The following RUFY4 variants were observed in gnomAD, a reference collection of about 807,000 sequenced individuals.
RUFY4 encodes RUN and FYVE domain-containing protein 4.
Under a neutral mutation model 69.0 loss-of-function variants are expected in RUFY4, and 73 were observed. The ratio of observed to expected loss-of-function variants is 1.06; its 90% CI spans 0.88 to 1.29. RUFY4 has a LOEUF of 1.29. Among genes scored for constraint, RUFY4 ranks in the 50% most tolerant of loss-of-function variants. The probability of loss-of-function intolerance (pLI) is 0.00; values close to 1 mark genes in which losing one functional copy is unlikely to be tolerated. For missense variants in RUFY4, 770 were observed against 705.6 expected (o/e 1.09, Z -1.03); for synonymous variants, 287 against 271.8 (o/e 1.06, Z -0.55).
intron 2 of RUFY4, 80 bp downstream of exon 4, chr2:218,070,939 G>A: frequency 9.3e-7 from 1 of 1,072,938 alleles, no homozygotes; most frequent in Non-Finnish European, 1.3e-6. Context: ...AATCAGGGAG[G>A]AGCCACAGCC....
chr2:218,041,947 T>C (rs1688707616), intron 2 of RUFY4, among the ~76,000 whole-genome samples: 1 of 152,222 alleles, frequency 6.6e-6, no homozygotes, highest in African/African-American at 2.4e-5. Context: ...ATGTAGTCAC[T>C]GGAACAAAGA....
At chr2:218,048,915 A>G (rs1027335014) in intron 2 of RUFY4, among the ~76,000 whole-genome samples, 6 of 152,188 alleles carry the variant, frequency 3.9e-5, no homozygotes, top group African/African-American at 1.4e-4. Flanking sequence ...TCTAGTCCTC[A>G]GTTGTTAAAT....
chr2:218,073,773 A>G (rs1321259380), intron 5 of RUFY4, 43 bp from the exon 8 acceptor site: 1 of 1,610,164 alleles, frequency 6.2e-7, no homozygotes. Context: ...CAAGCCCAAC[A>G]CTGAAGAGAG....
In RUFY4 at chr2:218,076,421, C is replaced by A. The variant is rs56242889; in HGVS notation, c.1249-6C>A. Reference sequence around the variant, plus strand: ...AGCCTCCTTCTCCCCTCCTTCCACCCCACAGAGCCTCAGACTTGGGCTCCG... The same window carrying A: ...AGCCTCCTTCTCCCCTCCTTCCACCACACAGAGCCTCAGACTTGGGCTCCG... On this transcript the variant is annotated splice_polypyrimidine_tract_variant and splice_region_variant and intron_variant, in intron 7 of 10. Coordinates refer to ENST00000344321, the Ensembl canonical transcript of RUFY4. 3 of 1,549,492 alleles carry A rather than the reference C, an allele frequency of 1.9e-6. No homozygotes were observed. The highest frequency in any genetic ancestry group is 2.0e-5 in the Admixed American group (1 of 50,954).
chr2:218,065,519 G>C (rs1463793681), upstream of RUFY4: 1 of 152,404 alleles, frequency 6.6e-6, no homozygotes, highest in Non-Finnish European at 1.5e-5. Context: ...CTTTCCTGTA[G>C]AGGAGCCACT....
At position 218,088,494 on chromosome 2, in the gene RUFY4, T is replaced by C. The variant is rs543503648; in HGVS notation, c.1503-758T>C. 3.9e-4 allele frequency among the ~76,000 whole-genome samples: 57 copies of C among 147,522 alleles called. 1 individual carries two copies. The highest frequency in any genetic ancestry group is 1.3e-3 in the African/African-American group (51 of 40,250). On this transcript the variant is annotated intron_variant, in intron 9 of 10. Transcript: ENST00000344321. ...AAGAAAAGAAAAAAGAAAAAAGCAGTGAAATTAGTTTTGCAAGGGCATACA... is the reference window on the plus strand; with the variant it reads ...AAGAAAAGAAAAAAGAAAAAAGCAGCGAAATTAGTTTTGCAAGGGCATACA...
intron 8 of RUFY4, 68 bp downstream of exon 10, chr2:218,076,601 C>T: frequency 6.5e-7 from 1 of 1,533,084 alleles, no homozygotes; most frequent in East Asian, 2.5e-5. Flanking sequence ...CAATCACGGT[C>T]AAGCCAGTGA....
At chr2:218,064,994 G>A (rs1269799095), upstream of RUFY4, among the ~76,000 whole-genome samples, 7 of 152,144 alleles carry the variant, frequency 4.6e-5, no homozygotes, top group Non-Finnish European at 1.0e-4. Context: ...AAACATCTGG[G>A]CAGGCAGTCC....
upstream of RUFY4, among the ~76,000 whole-genome samples, chr2:218,064,954 G>A (rs944777059): frequency 9.9e-5 from 15 of 151,974 alleles, no homozygotes; most frequent in East Asian, 3.9e-4. Context: ...CCCCGATCCC[G>A]TTTCCTTGTC....
intron 8 of RUFY4, among the ~76,000 whole-genome samples, chr2:218,079,977 G>A (rs1356008991): frequency 2.6e-5 from 4 of 152,170 alleles, no homozygotes; most frequent in Non-Finnish European, 4.4e-5. Flanking sequence ...TTCAGACTGG[G>A]GTCCAGAAAG....
chr2:218,048,931 A>G (rs188754259), intron 2 of RUFY4, among the ~76,000 whole-genome samples: 2 of 152,282 alleles, frequency 1.3e-5, no homozygotes, highest in Admixed American at 1.3e-4. Flanking sequence ...TAAATCTCCC[A>G]TGGGTTAAGT....
At chr2:218,060,111 A>C in intron 3 of RUFY4, 2 of 375,422 alleles carry the variant, frequency 5.3e-6, no homozygotes, top group Non-Finnish European at 5.0e-6. Flanking sequence ...CAGGAGGGAC[A>C]GAGCTCCAGC....
At chr2:218,085,295 A>C (rs1689866105) in intron 9 of RUFY4, among the ~76,000 whole-genome samples, 1 of 152,140 alleles carries the variant, frequency 6.6e-6, no homozygotes, top group Non-Finnish European at 1.5e-5. Context: ...GGAGACATTA[A>C]ACTATGTAAT....
chr2:218,043,504 C>G (rs138245751), intron 2 of RUFY4, among the ~76,000 whole-genome samples: 3 of 152,012 alleles, frequency 2.0e-5, no homozygotes, highest in African/African-American at 7.3e-5. Flanking sequence ...AGAGTAGGTC[C>G]TCTCTGCAGC....
At position 218,075,443 on chromosome 2, in the gene RUFY4, AG is replaced by A. The variant is rs1689604110; in HGVS notation, c.955del (p.Val319PhefsTer28). On this transcript the variant is annotated frameshift_variant, in exon 7 of 11. Transcript: ENST00000344321. LOFTEE classifies it high-confidence loss of function. ...TGATAGGGATGGAGGCTGAGGTCACAGGGGTTCTGCTGGTTGCAGAGGGTCA... is the reference window on the plus strand; with the variant it reads ...TGATAGGGATGGAGGCTGAGGTCACAGGGTTCTGCTGGTTGCAGAGGGTCA... The A allele has an allele frequency of 6.2e-7, 1 of 1,610,998 alleles. No individual in the cohort carries two copies. The highest frequency in any genetic ancestry group is 1.1e-5 in the South Asian group (1 of 90,772).
At chr2:218,050,622 T>C (rs1688922762) in intron 2 of RUFY4, among the ~76,000 whole-genome samples, 1 of 152,220 alleles carries the variant, frequency 6.6e-6, no homozygotes, top group South Asian at 2.1e-4. Flanking sequence ...ATGACCTTCT[T>C]ATAGCTGGAT....
At chr2:218,046,036 A>G (rs1017778547) in intron 2 of RUFY4, among the ~76,000 whole-genome samples, 6 of 152,002 alleles carry the variant, frequency 3.9e-5, no homozygotes, top group African/African-American at 1.4e-4. Flanking sequence ...AGATCTCCTG[A>G]CCTCGTGATC....
chr2:218,046,013 A>G (rs929183155), intron 2 of RUFY4, among the ~76,000 whole-genome samples: 2 of 152,016 alleles, frequency 1.3e-5, no homozygotes, highest in Non-Finnish European at 2.9e-5. Flanking sequence ...TCATCGTGTT[A>G]GCCAGATGTT....
chr2:218,062,721 AATAAC>A (rs1689230324), intron 3 of RUFY4, among the ~76,000 whole-genome samples: 1 of 152,176 alleles, frequency 6.6e-6, no homozygotes, highest in African/African-American at 2.4e-5. Flanking sequence ...AAAAAAATAA[AATAAC>A]ATAACATAAA....
Sources: gnomAD v4.1 joint callset for allele counts (sites outside exome capture counted in the v4.1 genomes callset) on GRCh38, gnomAD v4.1.1 for gene constraint, MANE v1.5 for transcripts, NCBI Gene and HGNC (gene_info 2026-07-23, HGNC 2026-07-21) for gene names.